Variants in MED23 observed in about 807,000 individuals in gnomAD.
The protein encoded by MED23 is mediator of RNA polymerase II transcription subunit 23.
MED23 carries 105 observed loss-of-function variants against 163.9 expected under a neutral mutation model. The observed-to-expected ratio is 0.64, with a 90% CI of 0.55 to 0.75. MED23 has a LOEUF of 0.75. MED23 is among the 30% of genes least tolerant of loss of function. The probability of loss-of-function intolerance (pLI) is 0.00; values close to 1 mark genes in which losing one functional copy is unlikely to be tolerated. For missense variants in MED23, 1,054 were observed against 1,649.0 expected, an observed-to-expected ratio of 0.64 and a Z score of 6.25; for synonymous variants, 561 against 565.6, an observed-to-expected ratio of 0.99 and a Z score of 0.12.
intron 30 of MED23, among the ~76,000 whole-genome samples, chr6:131,577,805 T>C (rs1183610085): frequency 1.3e-5 from 2 of 149,534 alleles, no homozygotes; most frequent in African/African-American, 4.9e-5. Context: ...CTTGGGAGGC[T>C]GAGGCAGGAG....
At chr6:131,623,311 T>C (rs368228784) in intron 5 of MED23, 40 bp downstream of exon 5, 125 of 1,496,918 alleles carry the variant, frequency 8.4e-5, no homozygotes, top group African/African-American at 7.7e-4. Context: ...AAATCAATCA[T>C]ATCTGAAAGC....
Position 131,589,586 on chromosome 6 carries a change from G to A in MED23, c.3818C>T (p.Ala1273Val), listed in dbSNP as rs768146584. ...RTRCMIEIGV[A>V]FYDMLLNVDQ... is the part of the protein sequence containing the mutation. ...AACATTCAGCAGCATGTCATAAAAC[G>A]CCACACCAATCTATTTAACAAATAA... is the stretch of plus-strand genomic sequence containing the variant. The change falls in exon 28 of 29, where the codon GCG (alanine) becomes GTG (valine). Residue 1273 changes from alanine to valine, a missense_variant. Coordinates refer to ENST00000368068, the MANE Select transcript of MED23 (RefSeq NM_004830.4). The A allele has an allele frequency of 5.6e-6, 9 of 1,613,632 alleles. No homozygotes were observed. In the East Asian group the frequency reaches 6.7e-5, roughly 12 times the overall value.
At position 131,617,348 on chromosome 6, in the gene MED23, C is replaced by T. The variant is rs368939340; in HGVS notation, c.780+1059G>A. On this transcript the variant is annotated intron_variant, in intron 9 of 28. Coordinates refer to ENST00000368068, the MANE Select transcript of MED23 (RefSeq NM_004830.4). ...TTAAATGTCCCCTTAGGTGGATGGA[C>T]GGATAGATAGAAAAAAAAAAACACT... 8.9e-5 allele frequency among the ~76,000 whole-genome samples: 13 copies of T among 145,892 alleles called. No homozygotes were observed. The East Asian group carries it at 1.2e-3, about 13-fold the overall frequency.
chr6:131,584,250 G>A, downstream of MED23: 1 of 274,104 alleles, frequency 3.6e-6, no homozygotes, highest in Non-Finnish European at 7.0e-6. Context: ...AGGAGACAAA[G>A]CTACCACATG....
chr6:131,600,295 T>G (rs1585493973), intron 17 of MED23, 133 bp from the exon 18 acceptor site: 1 of 881,692 alleles, frequency 1.1e-6, no homozygotes, highest in Non-Finnish European at 1.8e-6. Flanking sequence ...ACTAGTTATA[T>G]TCAGCTTAGA....
chr6:131,600,679 T>C, intron 17 of MED23, among the ~76,000 whole-genome samples: 1 of 152,250 alleles, frequency 6.6e-6, no homozygotes, highest in Non-Finnish European at 1.5e-5. Context: ...GTGTGGTCTG[T>C]AGACCTCTTG....
intron 10 of MED23, chr6:131,615,371 A>C: frequency 6.2e-7 from 1 of 1,605,918 alleles, no homozygotes; most frequent in Non-Finnish European, 8.5e-7. Flanking sequence ...GCAGGACAAG[A>C]CAGGACAGAA....
At chr6:131,576,821 T>C in intron 30 of MED23, 2 of 1,212,628 alleles carry the variant, frequency 1.6e-6, no homozygotes, top group East Asian at 2.4e-5. Context: ...GGAGTGTGTC[T>C]GGAATATTTA....
chr6:131,611,886 T>C (rs1355172838), intron 10 of MED23, among the ~76,000 whole-genome samples: 1 of 152,162 alleles, frequency 6.6e-6, no homozygotes, highest in Non-Finnish European at 1.5e-5. Context: ...TTGAGTCACT[T>C]TGGAGTTTCC....
intron 9 of MED23, among the ~76,000 whole-genome samples, chr6:131,617,047 A>G (rs1299038672): frequency 6.6e-6 from 1 of 151,500 alleles, no homozygotes; most frequent in African/African-American, 2.4e-5. Context: ...ATATTTGTTA[A>G]TTTTGCCTGC....
Position 131,587,746 on chromosome 6 carries a change from G to A in MED23, c.4040C>T (p.Ala1347Val). Residue 1347 changes from alanine to valine, a missense_variant, in exon 29 of 29, where the codon GCC becomes GTC. By Grantham distance (64) the Ala-to-Val change is moderately conservative. Around this residue, in one of 11 missense-constraint regions of MED23, gnomAD observed 362 missense variants for 471.6 expected, o/e 0.77. Transcript: ENST00000368068. ...AGGTGCTGGAGACCCACTGTTCATGGCTTGTGGAGGCACTGCAGCTGGCTC... is the reference window on the plus strand; with the variant it reads ...AGGTGCTGGAGACCCACTGTTCATGACTTGTGGAGGCACTGCAGCTGGCTC... ...KMEPAAVPPQ[A>V]MNSGSPAPQS... The A allele has an allele frequency of 6.2e-7, 1 of 1,614,146 alleles. No individual in the cohort carries two copies. The highest frequency in any genetic ancestry group is 8.5e-7 in the Non-Finnish European group (1 of 1,180,006).
At chr6:131,627,725 C>T in intron 1 of MED23, 53 bp from the exon 2 acceptor site, 7 of 1,526,662 alleles carry the variant, frequency 4.6e-6, no homozygotes, top group Middle Eastern at 1.7e-4. Flanking sequence ...AAAAAGGCGC[C>T]TCCCTTAGCC....
At position 131,579,542 on chromosome 6, in the gene MED23, T is replaced by C. The variant is rs140674874; in HGVS notation, c.4096-5247A>G. The C allele has an allele frequency of 1.9e-3, 679 of 348,390 alleles. 4 individuals are homozygous for C. Among genetic ancestry groups the C allele is most frequent in the African/African-American group, 0.013 (632 of 47,508 alleles). The allele number at this position is 348,390 out of a possible 1,614,324, so 21.6% of individuals were successfully genotyped here. On this transcript the variant is annotated intron_variant, in intron 30 of 30. Coordinates refer to the MED23 transcript ENST00000354577. The stretch of plus-strand genomic sequence containing the variant: ...AATATGAATGGATTTCATCTAAATA[T>C]TCATCACAAGCTTACATTTCTAAAT...
intron 28 of MED23, 129 bp downstream of exon 28, chr6:131,589,336 A>C (rs1774416248): frequency 2.4e-6 from 2 of 824,014 alleles, no homozygotes; most frequent in Middle Eastern, 3.6e-4. Context: ...TCTCATACCC[A>C]CCCTTTTTCC....
chr6:131,619,196 G>A (rs1235452947), intron 8 of MED23, among the ~76,000 whole-genome samples: 2 of 152,068 alleles, frequency 1.3e-5, no homozygotes, highest in Admixed American at 1.3e-4. Context: ...TCTGTCTAGT[G>A]TCTATTTAGA....
Position 131,593,003 on chromosome 6 carries a change from T to C in MED23, c.3398+3A>G. The C allele has an allele frequency of 6.2e-7, 1 of 1,614,124 alleles. No homozygotes were observed. The highest frequency in any genetic ancestry group is 8.5e-7 in the Non-Finnish European group (1 of 1,179,966). On this transcript the variant is annotated splice_donor_region_variant and intron_variant, in intron 24 of 28. Transcript: ENST00000368068. ...ATCTTACTGCATGAACCAGAATACA[T>C]ACCTTTTTAGGACAACATTTAGAAG...
chr6:131,578,707 A>G (rs1773755878), intron 30 of MED23, among the ~76,000 whole-genome samples: 3 of 152,200 alleles, frequency 2.0e-5, no homozygotes, highest in Admixed American at 1.3e-4. Flanking sequence ...ATACCGATAT[A>G]TATGTATTTA....
Position 131,591,496 on chromosome 6 carries a change from A to G in MED23, c.3503T>C (p.Ile1168Thr). The part of the protein sequence containing the change: ...EPYWIVLHDR[I>T]VSVISSPSLT... ...GCTGGGGCTGCTGATGACACTCACA[A>G]TTCGATCATGAAGAACAATCCAATA... Residue 1168 changes from isoleucine (I) to threonine (T), a missense_variant, in exon 26 of 29, where the codon ATT becomes ACT. Ile to Thr is a moderately conservative substitution (Grantham distance 89). Coordinates refer to ENST00000368068, the MANE Select transcript of MED23 (RefSeq NM_004830.4). 1.2e-6 allele frequency: 2 copies of G among 1,613,768 alleles called. No homozygotes were observed. Among genetic ancestry groups the G allele is most frequent in the Non-Finnish European group, 1.7e-6 (2 of 1,179,810 alleles).
chr6:131,604,866 T>C (rs1185824761), intron 14 of MED23, among the ~76,000 whole-genome samples: 1 of 152,314 alleles, frequency 6.6e-6, no homozygotes, highest in East Asian at 1.9e-4. Flanking sequence ...TGTTTCAAAT[T>C]TGAGCCAATA....
Sources: gnomAD v4.1 joint callset for allele counts (sites outside exome capture counted in the v4.1 genomes callset) on GRCh38, gnomAD v4.1.1 for gene constraint, gnomAD v4.1.1 regional missense constraint, MANE v1.5 for transcripts, NCBI Gene and HGNC (gene_info 2026-07-23, HGNC 2026-07-21) for gene names.